The following OR51B5 variants were observed in gnomAD, a reference collection of about 807,000 sequenced individuals.
OR51B5 encodes olfactory receptor 51B5.
For synonymous variants in OR51B5, 186 were observed against 144.8 expected (o/e 1.28, Z -2.04); for missense variants, 456 against 374.6 (o/e 1.22, Z -1.79).
chr11:5,471,967 C>T lies in OR51B5; in HGVS notation n.84+33602G>A, dbSNP rs577750056. ...AGGGACATTGAGGGGCTGAAAGTTC[C>T]GGATCCCATCTCCAAACTGTCTTCC... On this transcript the variant is annotated intron_variant and non_coding_transcript_variant, in intron 1 of 4. Transcript: ENST00000415970. Among the ~76,000 whole-genome samples, 8 of 152,230 alleles carry T rather than the reference C, an allele frequency of 5.3e-5. No individual in the cohort carries two copies. In the East Asian group the frequency reaches 9.7e-4, roughly 18 times the overall value.
chr11:5,370,640 C>G (rs1160546645), intron 1 of OR51B5, among the ~76,000 whole-genome samples: 2 of 152,104 alleles, frequency 1.3e-5, no homozygotes, highest in Non-Finnish European at 2.9e-5. Flanking sequence ...GTTTGTTTAT[C>G]TAATGAGAGG....
downstream of OR51B5, chr11:5,342,580 T>C: frequency 6.4e-7 from 1 of 1,565,378 alleles, no homozygotes; most frequent in Admixed American, 1.9e-5. Context: ...CTGTGATGAT[T>C]GGAGATCAGG....
chr11:5,490,578 G>T (rs937386985), intron 1 of OR51B5, among the ~76,000 whole-genome samples: 1 of 152,112 alleles, frequency 6.6e-6, no homozygotes, highest in East Asian at 1.9e-4. Flanking sequence ...TCTCAGTTCT[G>T]AAATAAATAA....
At chr11:5,347,273 T>C (rs1000740225), upstream of OR51B5, among the ~76,000 whole-genome samples, 1 of 152,186 alleles carries the variant, frequency 6.6e-6, no homozygotes, top group African/African-American at 2.4e-5. Flanking sequence ...TCTTGGCCTA[T>C]GTAACCTGAA....
chr11:5,403,275 G>A (rs1422560014), intron 1 of OR51B5: 3 of 471,580 alleles, frequency 6.4e-6, no homozygotes, highest in Non-Finnish European at 1.3e-5. Context: ...ACTCCACACT[G>A]TATTGGGTAT....
intron 1 of OR51B5, chr11:5,390,999 T>C (rs1849786657): frequency 6.6e-6 from 1 of 152,326 alleles, no homozygotes; most frequent in African/African-American, 2.4e-5. Flanking sequence ...ACTTTGATCC[T>C]ATCCTTGACT....
At chr11:5,421,163 T>G (rs752971462) in intron 1 of OR51B5, among the ~76,000 whole-genome samples, 66 of 152,292 alleles carry the variant, frequency 4.3e-4, no homozygotes, top group Non-Finnish European at 5.4e-4. Context: ...ACCACCAGAG[T>G]TGATTTACTG....
intron 1 of OR51B5, among the ~76,000 whole-genome samples, chr11:5,348,898 T>C (rs1283815089): frequency 4.0e-5 from 6 of 151,682 alleles, no homozygotes; most frequent in Admixed American, 3.9e-4. Context: ...AAAAAAAGGA[T>C]GGAGATACTA....
At chr11:5,366,939 G>A (rs990972560) in intron 1 of OR51B5, among the ~76,000 whole-genome samples, 4 of 152,156 alleles carry the variant, frequency 2.6e-5, no homozygotes, top group African/African-American at 9.7e-5. Flanking sequence ...TGGACTTGGT[G>A]TCATCTCTTG....
At chr11:5,487,095 C>T (rs147965097) in intron 1 of OR51B5, among the ~76,000 whole-genome samples, 1 of 152,166 alleles carries the variant, frequency 6.6e-6, no homozygotes, top group East Asian at 1.9e-4. Flanking sequence ...GGCAAAAACG[C>T]CAAACTCTGA....
At chr11:5,372,780 CT>C (rs1849465201) in intron 1 of OR51B5, among the ~76,000 whole-genome samples, 1 of 152,072 alleles carries the variant, frequency 6.6e-6, no homozygotes, top group Non-Finnish European at 1.5e-5. Context: ...TTTATTTTTG[CT>C]TTTGTTACCT....
chr11:5,354,168 G>T (rs200748586), intron 1 of OR51B5, among the ~76,000 whole-genome samples: 1 of 152,024 alleles, frequency 6.6e-6, no homozygotes, highest in Non-Finnish European at 1.5e-5. Context: ...TCTTCTGTCT[G>T]TTACTGCTCT....
At chr11:5,359,564 C>T (rs1366842498) in intron 1 of OR51B5, among the ~76,000 whole-genome samples, 2 of 137,294 alleles carry the variant, frequency 1.5e-5, no homozygotes, top group Admixed American at 7.3e-5. Context: ...AATGGCCATA[C>T]AGCCCAAGGT....
intron 1 of OR51B5, among the ~76,000 whole-genome samples, chr11:5,353,707 G>GA (rs1357326541): frequency 6.6e-6 from 1 of 152,080 alleles, no homozygotes; most frequent in Non-Finnish European, 1.5e-5. Flanking sequence ...GATGTGCTTG[G>GA]ACTACACAAG....
intron 1 of OR51B5, among the ~76,000 whole-genome samples, chr11:5,357,514 C>G (rs947455378): frequency 9.2e-5 from 14 of 152,168 alleles, no homozygotes; most frequent in Non-Finnish European, 2.1e-4. Context: ...TAGACTCTCA[C>G]ACAATAACAA....
At chr11:5,378,154 A>C (rs6578624) in intron 1 of OR51B5, among the ~76,000 whole-genome samples, 56,541 of 149,470 alleles carry the variant, frequency 0.38, 10,945 homozygotes, top group Non-Finnish European at 0.4. Flanking sequence ...AGAAATAACG[A>C]CGCATATCTA....
rs373976629 is a variant in OR51B5 at position 5,361,749 on chromosome 11, T to A, written n.85-14839A>T. On this transcript the variant is annotated intron_variant and non_coding_transcript_variant, in intron 1 of 4. Transcript: ENST00000415970. ...TCTCCTTTTTCATTCCCTAGCAGAG[T>A]GATCTAGTTAGGAAAAAATCAAGTT... Among the ~76,000 whole-genome samples the A allele has an allele frequency of 9.9e-3, 595 of 60,032 alleles. 2 individuals carry two copies. Among genetic ancestry groups the A allele is most frequent in the African/African-American group, 0.025 (425 of 17,152 alleles). 39.4% of individuals were successfully genotyped at this position (60,032 alleles called of 152,430 possible).
At chr11:5,368,870 T>C (rs1048151988) in intron 1 of OR51B5, among the ~76,000 whole-genome samples, 12 of 152,210 alleles carry the variant, frequency 7.9e-5, no homozygotes, top group South Asian at 6.2e-4. Context: ...ACCATTCTTA[T>C]GTGGATTAAG....
intron 1 of OR51B5, among the ~76,000 whole-genome samples, chr11:5,358,695 G>T (rs1849232519): frequency 6.6e-6 from 1 of 151,820 alleles, no homozygotes; most frequent in South Asian, 2.1e-4. Context: ...AACAAAAAAA[G>T]AGAATTTTAG....
Sources: gnomAD v4.1 joint callset for allele counts (sites outside exome capture counted in the v4.1 genomes callset) on GRCh38, gnomAD v4.1.1 for gene constraint, MANE v1.5 for transcripts, NCBI Gene and HGNC (gene_info 2026-07-23, HGNC 2026-07-21) for gene names.